The following DLG2 variants were observed in gnomAD, a reference collection of about 807,000 sequenced individuals.
The protein encoded by DLG2 is disks large homolog 2.
A neutral mutation model predicts 132.5 loss-of-function variants in DLG2; 45 were observed. That is an observed-to-expected ratio of 0.34 (90% CI 0.27 to 0.44). The LOEUF is 0.44. Among genes scored for constraint, DLG2 ranks in the 20% least tolerant of loss-of-function variants. The pLI is 1.00. For synonymous variants in DLG2, 424 were observed against 419.6 expected (o/e 1.01, Z -0.13); for missense variants, 1,045 against 1,196.9 (o/e 0.87, Z 1.87).
chr11:84,115,756 G>C (rs1331190248), intron 9 of DLG2, among the ~76,000 whole-genome samples: 2 of 152,018 alleles, frequency 1.3e-5, no homozygotes, highest in Admixed American at 1.3e-4. Context: ...TACCACCTTT[G>C]GTCACTTCCT....
intron 7 of DLG2, among the ~76,000 whole-genome samples, chr11:84,267,417 GC>G (rs2097654585): frequency 6.6e-6 from 1 of 152,204 alleles, no homozygotes; most frequent in Admixed American, 6.5e-5. Flanking sequence ...ACTGTCCTCA[GC>G]TGATCTGTTT....
intron 7 of DLG2, among the ~76,000 whole-genome samples, chr11:84,372,654 G>A (rs1600862030): frequency 6.6e-6 from 1 of 152,256 alleles, no homozygotes; most frequent in East Asian, 1.9e-4. Context: ...CTGTTTAATA[G>A]TGTTATAAAT....
At chr11:85,282,936 G>A (rs1444283992) in intron 4 of DLG2, among the ~76,000 whole-genome samples, 1 of 151,950 alleles carries the variant, frequency 6.6e-6, no homozygotes, top group Non-Finnish European at 1.5e-5. Context: ...GCCCTTTGCA[G>A]GAACATAGAT....
intron 4 of DLG2, among the ~76,000 whole-genome samples, chr11:85,173,446 C>T (rs2079013397): frequency 6.6e-6 from 1 of 152,146 alleles, no homozygotes; most frequent in African/African-American, 2.4e-5. Flanking sequence ...CACCATCAGG[C>T]CTGCCTTGCA....
chr11:84,167,337 T>A (rs544516222), intron 8 of DLG2, among the ~76,000 whole-genome samples: 1 of 152,316 alleles, frequency 6.6e-6, no homozygotes, highest in South Asian at 2.1e-4. Context: ...AACTCAAATT[T>A]AAACTTGGTA....
chr11:83,467,491 G>A (rs1008257474), intron 25 of DLG2, among the ~76,000 whole-genome samples: 10 of 152,116 alleles, frequency 6.6e-5, no homozygotes, highest in African/African-American at 2.4e-4. Context: ...GCTCATGGCT[G>A]TAATCCTAGC....
At chr11:85,575,539 CAAAA>C (rs771079911) in intron 3 of DLG2, among the ~76,000 whole-genome samples, 1 of 89,720 alleles carries the variant, frequency 1.1e-5, no homozygotes. Context: ...GATCCTATCT[CAAAA>C]AAAAAAAAAA....
At position 83,985,419 on chromosome 11, in the gene DLG2, G is replaced by A. The variant is rs552628144; in HGVS notation, c.920-4777C>T. Among the ~76,000 whole-genome samples the A allele has an allele frequency of 6.6e-5, 10 of 152,074 alleles. No homozygotes were observed. In the South Asian group the frequency reaches 2.1e-3, roughly 32 times the overall value. On this transcript the variant is annotated intron_variant, in intron 11 of 27. Transcript: ENST00000376104. The stretch of plus-strand genomic sequence containing the variant: ...AGGTTTGTCACATTGGTAAATGTGT[G>A]CCCTGGTAGCTTGCTGCAAAGATCA...
At chr11:83,878,299 G>C (rs1312066041) in intron 15 of DLG2, among the ~76,000 whole-genome samples, 1 of 152,124 alleles carries the variant, frequency 6.6e-6, no homozygotes, top group Non-Finnish European at 1.5e-5. Context: ...CTTTTTGAAT[G>C]ATGAATACCA....
At chr11:85,057,731 T>C (rs2063607237) in intron 6 of DLG2, among the ~76,000 whole-genome samples, 1 of 151,400 alleles carries the variant, frequency 6.6e-6, no homozygotes, top group Non-Finnish European at 1.5e-5. Context: ...TCTTTCTCAT[T>C]AGCATGAAAG....
At chr11:84,504,210 A>G (rs149229099) in intron 7 of DLG2, among the ~76,000 whole-genome samples, 2 of 152,284 alleles carry the variant, frequency 1.3e-5, no homozygotes, top group South Asian at 2.1e-4. Flanking sequence ...CAAGTTTTAA[A>G]CTCATTTTTT....
chr11:83,846,927 A>ATTGTT (rs1555051374), intron 16 of DLG2, among the ~76,000 whole-genome samples: 3 of 130,942 alleles, frequency 2.3e-5, no homozygotes, highest in South Asian at 5.0e-4. Context: ...CCTTCTAATC[A>ATTGTT]TTATCTCCCA....
chr11:83,837,624 T>A (rs1416843713), intron 16 of DLG2, among the ~76,000 whole-genome samples: 7 of 148,936 alleles, frequency 4.7e-5, no homozygotes. Flanking sequence ...CAGTCATTTA[T>A]CTAAAGGGAG....
chr11:85,467,954 T>C (rs2092850767), intron 3 of DLG2, among the ~76,000 whole-genome samples: 1 of 152,182 alleles, frequency 6.6e-6, no homozygotes, highest in Non-Finnish European at 1.5e-5. Context: ...CTTTTTTTGG[T>C]TGGTAGGCTA....
At chr11:84,375,347 G>C (rs1025088137) in intron 7 of DLG2, among the ~76,000 whole-genome samples, 2 of 151,982 alleles carry the variant, frequency 1.3e-5, no homozygotes, top group African/African-American at 4.8e-5. Flanking sequence ...TAATTATTGC[G>C]CTGTTTTTGT....
chr11:85,010,228 C>T (rs911000043), intron 6 of DLG2, among the ~76,000 whole-genome samples: 33 of 152,022 alleles, frequency 2.2e-4, no homozygotes, highest in African/African-American at 7.5e-4. Context: ...GTAAAATCAT[C>T]GTATGCCTTT....
intron 10 of DLG2, among the ~76,000 whole-genome samples, chr11:84,071,899 G>T (rs926841077): frequency 1.3e-5 from 2 of 152,178 alleles, no homozygotes; most frequent in Non-Finnish European, 2.9e-5. Flanking sequence ...AATCAGAGCC[G>T]AGCCTGCTGC....
At chr11:84,393,692 ATTT>A (rs71986623) in intron 7 of DLG2, among the ~76,000 whole-genome samples, 1 of 151,492 alleles carries the variant, frequency 6.6e-6, no homozygotes, top group South Asian at 2.1e-4. Context: ...TTTTGTGTTT[ATTT>A]TTTTCTTTCT....
intron 7 of DLG2, among the ~76,000 whole-genome samples, chr11:84,480,286 T>C (rs1450992867): frequency 1.3e-5 from 2 of 152,214 alleles, no homozygotes; most frequent in East Asian, 1.9e-4. Flanking sequence ...GGCAAACGAG[T>C]GAGTGACTTT....
Sources: gnomAD v4.1 joint callset for allele counts (sites outside exome capture counted in the v4.1 genomes callset) on GRCh38, gnomAD v4.1.1 for gene constraint, MANE v1.5 for transcripts, NCBI Gene and HGNC (gene_info 2026-07-23, HGNC 2026-07-21) for gene names.